ABCC9: variants seen among roughly 807,000 people sequenced by gnomAD.
The protein encoded by ABCC9 is ATP binding cassette subfamily C member 9, also known as ATP-binding cassette sub-family C member 9.
In ABCC9, 95 loss-of-function variants were observed where a neutral mutation model predicts 188.3. The ratio of observed to expected loss-of-function variants is 0.50; its 90% CI spans 0.43 to 0.60. ABCC9 has a LOEUF of 0.60. Among genes scored for constraint, ABCC9 ranks in the 20% least tolerant of loss-of-function variants. The probability of loss-of-function intolerance (pLI) is 0.00; values close to 1 mark genes in which losing one functional copy is unlikely to be tolerated. For missense variants in ABCC9, 1,102 were observed against 1,876.3 expected (o/e 0.59, Z 7.62); for synonymous variants, 659 against 652.7 (o/e 1.01, Z -0.15).
intron 31 of ABCC9, among the ~76,000 whole-genome samples, chr12:21,822,790 C>CAAAA (rs538002229): frequency 1.2e-5 from 1 of 84,284 alleles, no homozygotes; most frequent in African/African-American, 4.6e-5. Context: ...GACTCCGTCT[C>CAAAA]AAAAAAAAAA....
At chr12:21,845,010 T>C (rs995858897) in intron 26 of ABCC9, 95 bp from the exon 27 acceptor site, 2 of 1,470,572 alleles carry the variant, frequency 1.4e-6, no homozygotes, top group East Asian at 2.4e-5. Context: ...AAGATTGTTT[T>C]CTTCATTATT....
In ABCC9 at chr12:21,910,369, A is replaced by G. The variant is rs939465359; in HGVS notation, c.1165-57T>C. On this transcript the variant is annotated intron_variant, in intron 9 of 39. Transcript: ENST00000261200. Reference sequence around the variant, plus strand: ...CTCTAAACTTAAAATTGACACTATGATTATTTTCACTGAAAATAAATAACA... The same window carrying G: ...CTCTAAACTTAAAATTGACACTATGGTTATTTTCACTGAAAATAAATAACA... 5 of 1,458,598 alleles carry G rather than the reference A, an allele frequency of 3.4e-6. No individual in the cohort carries two copies. In the Admixed American group the frequency reaches 8.6e-5, roughly 25 times the overall value. 90.4% of individuals were successfully genotyped at this position (1,458,598 alleles called of 1,614,324 possible).
At chr12:21,882,318 C>T (rs1946666706) in intron 16 of ABCC9, among the ~76,000 whole-genome samples, 1 of 152,100 alleles carries the variant, frequency 6.6e-6, no homozygotes, top group African/African-American at 2.4e-5. Flanking sequence ...GTCCAAATAG[C>T]CAAGTTTGAA....
At position 21,912,994 on chromosome 12, in the gene ABCC9, T is replaced by C. The variant is rs895776110; in HGVS notation, c.889A>G (p.Ile297Val). The change falls in exon 8 of 40, where the codon ATT (isoleucine) becomes GTT (valine). Residue 297 changes from isoleucine to valine, a missense_variant. Around this residue, in one of 12 missense-constraint regions of ABCC9, gnomAD observed 305 missense variants for 573.0 expected, o/e 0.53. Transcript: ENST00000261200. ...TAGCGGAATGTGCTACTAAGTAGAA[T>C]TGGTCGCCCAAAAGCTCTGTACATT... is the stretch of plus-strand genomic sequence containing the variant. The part of the protein sequence containing the change: ...LAMYRAFGRP[I>V]LLSSTFRYLA... 3.7e-6 allele frequency: 6 copies of C among 1,613,470 alleles called. No homozygotes were observed. The highest frequency in any genetic ancestry group is 5.1e-6 in the Non-Finnish European group (6 of 1,179,696).
At chr12:21,911,715 C>CT (rs1254529908) in intron 8 of ABCC9, among the ~76,000 whole-genome samples, 4 of 151,924 alleles carry the variant, frequency 2.6e-5, no homozygotes, top group Non-Finnish European at 4.4e-5. Flanking sequence ...TCCCTTCCTC[C>CT]TTTTTTGTGG....
At chr12:21,808,778 C>CAAAAAAA (rs34314026) in intron 37 of ABCC9, among the ~76,000 whole-genome samples, 4 of 80,494 alleles carry the variant, frequency 5.0e-5, no homozygotes, top group African/African-American at 9.5e-5. Context: ...GAACTTGTCT[C>CAAAAAAA]AAAAAAAAAA....
intron 4 of ABCC9, among the ~76,000 whole-genome samples, chr12:21,928,274 G>A (rs1323235976): frequency 8.5e-6 from 1 of 118,282 alleles, no homozygotes; most frequent in Non-Finnish European, 1.8e-5. Context: ...GAGGATGGAA[G>A]GGGGAAAGGA....
intron 12 of ABCC9, among the ~76,000 whole-genome samples, chr12:21,899,224 C>A (rs1414031527): frequency 6.6e-6 from 1 of 152,178 alleles, no homozygotes. Context: ...TTGCAATCAT[C>A]TGAATCATCT....
chr12:21,845,676 A>G lies in ABCC9; in HGVS notation c.3023T>C (p.Ile1008Thr). 6.2e-7 allele frequency: 1 copy of G among 1,613,928 alleles called. No homozygotes were observed. The highest frequency in any genetic ancestry group is 8.5e-7 in the Non-Finnish European group (1 of 1,179,838). Residue 1008 changes from isoleucine (I) to threonine (T), a missense_variant, in exon 26 of 40, where the codon ATT becomes ACT. Ile to Thr is a moderately conservative substitution (Grantham distance 89). Coordinates refer to ENST00000261200, the MANE Select transcript of ABCC9 (RefSeq NM_020297.4). ...IFSKLLKHSVIVAIDYWLATW... is the reference protein window; with the variant it reads ...IFSKLLKHSVTVAIDYWLATW... ...GGCCAGCCAATAGTCTATAGCTACAATGACCGAATGCTTCAAAAGCTTAGA... is the reference window on the plus strand; with the variant it reads ...GGCCAGCCAATAGTCTATAGCTACAGTGACCGAATGCTTCAAAAGCTTAGA...
intron 24 of ABCC9, among the ~76,000 whole-genome samples, chr12:21,850,640 T>C (rs1430524905): frequency 6.6e-6 from 1 of 152,232 alleles, no homozygotes; most frequent in Non-Finnish European, 1.5e-5. Flanking sequence ...TTAACAGTGT[T>C]ACTATAATAT....
chr12:21,923,766 C>G (rs754863220), intron 5 of ABCC9: 1 of 687,440 alleles, frequency 1.5e-6, no homozygotes, highest in Non-Finnish European at 2.6e-6. Context: ...AGATTTCACT[C>G]TTAGGTATTT....
In ABCC9 at chr12:21,844,492, GA is replaced by G. The variant is rs1363167414; in HGVS notation, c.3305del (p.Ile1102ThrfsTer13). 1.2e-6 allele frequency: 2 copies of G among 1,613,150 alleles called. No individual in the cohort carries two copies. Among genetic ancestry groups the G allele is most frequent in the Non-Finnish European group, 1.7e-6 (2 of 1,179,278 alleles). Reference sequence around the variant, plus strand: ...TAACCCAGTTACTCACCTGATCAATGATATTAGTATCAGCTGAAAAGCGATT... The same window carrying G: ...TAACCCAGTTACTCACCTGATCAATGTATTAGTATCAGCTGAAAAGCGATT... ...ILNRFSADTN[I>X]IDQHIPPTLE... On this transcript the variant is annotated frameshift_variant, in exon 28 of 40. Transcript: ENST00000261200. LOFTEE classifies it high-confidence loss of function.
At chr12:21,865,761 A>T (rs2137536524) in intron 18 of ABCC9, among the ~76,000 whole-genome samples, 1 of 152,198 alleles carries the variant, frequency 6.6e-6, no homozygotes, top group Middle Eastern at 3.4e-3. Context: ...TTAAATTCCG[A>T]CTCTATTTAT....
chr12:21,834,790 C>T (rs1278984812), intron 30 of ABCC9, among the ~76,000 whole-genome samples: 2,806 of 87,798 alleles, frequency 0.032, 78 homozygotes, highest in African/African-American at 0.085. Flanking sequence ...ACATTATACA[C>T]ACACACACAC....
chr12:21,879,390 C>T (rs148221703), intron 16 of ABCC9, among the ~76,000 whole-genome samples: 108 of 152,212 alleles, frequency 7.1e-4, no homozygotes, highest in Middle Eastern at 3.4e-3. Flanking sequence ...TATATGATTC[C>T]ATTTATATGA....
intron 31 of ABCC9, among the ~76,000 whole-genome samples, chr12:21,818,490 A>C (rs112173463): frequency 0.013 from 1,920 of 145,732 alleles, 11 homozygotes; most frequent in Non-Finnish European, 0.022. Context: ...ATCTATCTAT[A>C]TATATATCTA....
chr12:21,810,097 C>T (rs2137134951), intron 36 of ABCC9, 142 bp from the exon 37 acceptor site: 1 of 639,692 alleles, frequency 1.6e-6, no homozygotes, highest in Non-Finnish European at 2.8e-6. Flanking sequence ...AGAACAGTGC[C>T]CAGAGCAGTG....
intron 3 of ABCC9, among the ~76,000 whole-genome samples, chr12:21,935,219 G>A (rs904001888): frequency 6.6e-6 from 1 of 152,138 alleles, no homozygotes; most frequent in Non-Finnish European, 1.5e-5. Context: ...ATTATTAATT[G>A]TGGAATTACA....
At chr12:21,809,758 A>G (rs1319503235) in intron 37 of ABCC9, 94 bp downstream of exon 37, 2 of 765,410 alleles carry the variant, frequency 2.6e-6, no homozygotes, top group Non-Finnish European at 4.5e-6. Context: ...GGGATTTAAC[A>G]CTAAAGTTAT....
Sources: gnomAD v4.1 joint callset for allele counts (sites outside exome capture counted in the v4.1 genomes callset) on GRCh38, gnomAD v4.1.1 for gene constraint, gnomAD v4.1.1 regional missense constraint, MANE v1.5 for transcripts, NCBI Gene and HGNC (gene_info 2026-07-23, HGNC 2026-07-21) for gene names.